The following SH3GLB1 variants were observed in gnomAD, a reference collection of about 807,000 sequenced individuals.
SH3GLB1 encodes the protein SH3 domain containing GRB2 like, endophilin B1.
A neutral mutation model predicts 42.0 loss-of-function variants in SH3GLB1; 17 were observed. The ratio of observed to expected loss-of-function variants is 0.40; its 90% confidence interval spans 0.28 to 0.61. The LOEUF is 0.61. SH3GLB1 is among the 20% of genes least tolerant of loss of function. The pLI is 0.36. For synonymous variants in SH3GLB1, 132 were observed against 146.6 expected (o/e 0.90, Z 0.72); for missense variants, 355 against 426.3 (o/e 0.83, Z 1.47).
intron 3 of SH3GLB1, among the ~76,000 whole-genome samples, chr1:86,721,037 C>G (rs548925041): frequency 6.6e-6 from 1 of 152,214 alleles, no homozygotes; most frequent in African/African-American, 2.4e-5. Flanking sequence ...TGAAAGGAAC[C>G]CAGCAGCCCC....
intron 4 of SH3GLB1, among the ~76,000 whole-genome samples, chr1:86,723,130 A>G (rs1268427627): frequency 6.6e-6 from 1 of 152,236 alleles, no homozygotes; most frequent in Non-Finnish European, 1.5e-5. Context: ...TATTATAGAA[A>G]CTTTGAATAT....
intron 1 of SH3GLB1, among the ~76,000 whole-genome samples, chr1:86,707,912 C>T (rs1291166243): frequency 6.6e-6 from 1 of 151,938 alleles, no homozygotes; most frequent in Non-Finnish European, 1.5e-5. Flanking sequence ...TCCCAAAGTG[C>T]TGGGATTACA....
At chr1:86,734,559 C>G in intron 5 of SH3GLB1, 43 bp from the exon 6 acceptor site, 1 of 1,392,730 alleles carries the variant, frequency 7.2e-7, no homozygotes, top group Non-Finnish European at 1.0e-6. Flanking sequence ...ATAAGATGGA[C>G]TGAGTCTTCT....
Position 86,732,155 on chromosome 1 carries a change from C to T in SH3GLB1, c.571-2447C>T, listed in dbSNP as rs201147187. ...TAAGCCATATGAATAGTAGTCAACA[C>T]TGATCAAGATAGTCACAGCAAATGC... On this transcript the variant is annotated intron_variant, in intron 5 of 8. Transcript: ENST00000370558. Among the ~76,000 whole-genome samples the T allele has an allele frequency of 8.5e-5, 13 of 152,274 alleles. No individual in the cohort carries two copies. The East Asian group carries it at 1.9e-3, about 23-fold the overall frequency.
chr1:86,725,774 T>G (rs1322222336), intron 5 of SH3GLB1, among the ~76,000 whole-genome samples: 1 of 152,188 alleles, frequency 6.6e-6, no homozygotes, highest in African/African-American at 2.4e-5. Context: ...GATAGTAATG[T>G]CTTACGAGAC....
At chr1:86,716,102 T>G (rs1654513443) in intron 2 of SH3GLB1, among the ~76,000 whole-genome samples, 1 of 152,180 alleles carries the variant, frequency 6.6e-6, no homozygotes, top group East Asian at 1.9e-4. Context: ...ATCTCAATTT[T>G]AGGCAGTGAC....
chr1:86,719,995 C>CAAA (rs570115346), intron 3 of SH3GLB1, among the ~76,000 whole-genome samples: 1,582 of 61,968 alleles, frequency 0.026, 127 homozygotes, highest in African/African-American at 0.079. Context: ...GACTCTGTCT[C>CAAA]AAAAAAAAAA....
chr1:86,715,997 G>A, intron 2 of SH3GLB1, 132 bp downstream of exon 2: 1 of 881,246 alleles, frequency 1.1e-6, no homozygotes, highest in Non-Finnish European at 1.7e-6. Flanking sequence ...GGGTTTTTTT[G>A]TGTGTGCTTT....
intron 1 of SH3GLB1, among the ~76,000 whole-genome samples, chr1:86,709,096 G>A (rs1030140059): frequency 6.6e-6 from 1 of 152,292 alleles, no homozygotes; most frequent in Non-Finnish European, 1.5e-5. Context: ...CTGTGAAATC[G>A]TGAATCATTT....
intron 5 of SH3GLB1, among the ~76,000 whole-genome samples, chr1:86,726,270 G>A (rs930292558): frequency 1.3e-5 from 2 of 152,036 alleles, no homozygotes; most frequent in African/African-American, 4.8e-5. Context: ...TTACAGGAAT[G>A]ACCGTCTGCT....
chr1:86,719,918 C>T lies in SH3GLB1; in HGVS notation c.343+283C>T, dbSNP rs1260767359. On this transcript the variant is annotated intron_variant, in intron 3 of 8. Coordinates refer to ENST00000370558, the MANE Select transcript of SH3GLB1 (RefSeq NM_016009.5). Reference sequence around the variant, plus strand: ...GGCTGAGGCAGGAGAATGGCGTGAACCTTGGACGTGGAGCTTGCAGTGAGC... The same window carrying T: ...GGCTGAGGCAGGAGAATGGCGTGAATCTTGGACGTGGAGCTTGCAGTGAGC... Among the ~76,000 whole-genome samples, 3 of 148,816 alleles carry T rather than the reference C, an allele frequency of 2.0e-5. No homozygotes were observed. In the Admixed American group the frequency reaches 2.0e-4, roughly 10 times the overall value.
chr1:86,707,835 A>G (rs1028052149), intron 1 of SH3GLB1, among the ~76,000 whole-genome samples: 2 of 151,974 alleles, frequency 1.3e-5, no homozygotes, highest in African/African-American at 4.8e-5. Context: ...TTTAGTAGAG[A>G]TGGGGTTTCA....
At chr1:86,718,144 A>G (rs895868628) in intron 2 of SH3GLB1, among the ~76,000 whole-genome samples, 11 of 151,532 alleles carry the variant, frequency 7.3e-5, no homozygotes, top group South Asian at 2.1e-4. Flanking sequence ...GGTTCAAGTG[A>G]TTGTCCTGCC....
At chr1:86,726,387 A>C (rs547630726) in intron 5 of SH3GLB1, among the ~76,000 whole-genome samples, 3 of 152,226 alleles carry the variant, frequency 2.0e-5, no homozygotes, top group African/African-American at 7.2e-5. Flanking sequence ...AATATATAGA[A>C]CCTAAATATA....
At chr1:86,718,045 T>G (rs1175021206) in intron 2 of SH3GLB1, among the ~76,000 whole-genome samples, 5 of 151,478 alleles carry the variant, frequency 3.3e-5, no homozygotes, top group East Asian at 1.9e-4. Flanking sequence ...CAAAGCTGTT[T>G]TTTTTTTTTT....
At chr1:86,715,931 A>T (rs1050470011) in intron 2 of SH3GLB1, 66 bp downstream of exon 2, 1 of 1,496,264 alleles carries the variant, frequency 6.7e-7, no homozygotes, top group Admixed American at 2.5e-5. Flanking sequence ...TAAAAAAAAA[A>T]GTTTTAATGG....
chr1:86,730,326 A>G (rs1264581102), intron 5 of SH3GLB1: 1 of 985,292 alleles, frequency 1.0e-6, no homozygotes, highest in African/African-American at 1.7e-5. Context: ...TTGCACACAC[A>G]CTGATAAATC....
chr1:86,711,612 A>C (rs1281717998), intron 1 of SH3GLB1, among the ~76,000 whole-genome samples: 2 of 152,120 alleles, frequency 1.3e-5, no homozygotes, highest in African/African-American at 2.4e-5. Context: ...CTTAAAATCA[A>C]CTAGTTTCTC....
chr1:86,707,364 A>G (rs563837296), intron 1 of SH3GLB1, among the ~76,000 whole-genome samples: 1 of 152,328 alleles, frequency 6.6e-6, no homozygotes, highest in Non-Finnish European at 1.5e-5. Context: ...AGACCAATGA[A>G]GGAGCTGTGG....
Sources: allele counts gnomAD v4.1 joint callset (sites outside exome capture counted in the v4.1 genomes callset), GRCh38; gene constraint gnomAD v4.1.1; transcripts MANE v1.5; gene names NCBI Gene and HGNC (gene_info 2026-07-23, HGNC 2026-07-21).